Variants in TDRD1 observed in about 807,000 individuals in gnomAD.
TDRD1 encodes tudor domain containing 1.
Under a neutral mutation model 140.6 loss-of-function variants are expected in TDRD1, and 37 were observed. The ratio of observed to expected loss-of-function variants is 0.26; its 90% CI spans 0.20 to 0.35. The LOEUF (loss-of-function observed/expected upper bound fraction) is 0.35. Ranked by LOEUF, TDRD1 falls within the 10% of genes least tolerant of loss-of-function variation. The pLI is 1.00. For missense variants in TDRD1, 1,243 were observed against 1,393.0 expected, an observed-to-expected ratio of 0.89 and a Z score of 1.71; for synonymous variants, 506 against 475.7, an observed-to-expected ratio of 1.06 and a Z score of -0.83.
chr10:114,208,284 G>C (rs2035259738), intron 11 of TDRD1, among the ~76,000 whole-genome samples: 1 of 152,224 alleles, frequency 6.6e-6, no homozygotes, highest in Admixed American at 6.5e-5. Context: ...GGAGCCTTGA[G>C]ATACCTCTGG....
At chr10:114,225,390 CAG>C (rs1053316774) in intron 21 of TDRD1, among the ~76,000 whole-genome samples, 1 of 152,156 alleles carries the variant, frequency 6.6e-6, no homozygotes, top group African/African-American at 2.4e-5. Flanking sequence ...GTTGAGACTT[CAG>C]GGGTTGGGGA....
upstream of TDRD1, among the ~76,000 whole-genome samples, chr10:114,177,676 C>A (rs1020137790): frequency 1.3e-5 from 2 of 152,066 alleles, no homozygotes; most frequent in African/African-American, 2.4e-5. Context: ...CGAAGGAAAT[C>A]AAAAAGATGG....
chr10:114,211,837 AT>A (rs2035507203), intron 13 of TDRD1, 28 bp from the exon 14 acceptor site: 1 of 1,490,362 alleles, frequency 6.7e-7, no homozygotes. Flanking sequence ...TGGAAAAATC[AT>A]TTGAGATTGA....
chr10:114,186,477 G>T (rs943807493), intron 1 of TDRD1, among the ~76,000 whole-genome samples: 5 of 149,678 alleles, frequency 3.3e-5, no homozygotes, highest in Admixed American at 1.3e-4. Context: ...TGTTAGCCAA[G>T]ATGATCTCGA....
chr10:114,197,952 A>G (rs1384377573), intron 3 of TDRD1, among the ~76,000 whole-genome samples: 3 of 152,240 alleles, frequency 2.0e-5, no homozygotes, highest in Middle Eastern at 3.4e-3. Flanking sequence ...CACCACACCC[A>G]GTCTCTGTAT....
intron 1 of TDRD1, among the ~76,000 whole-genome samples, chr10:114,181,460 G>A (rs1416853768): frequency 1.3e-5 from 2 of 152,220 alleles, no homozygotes. Flanking sequence ...ACAGTATTAT[G>A]CCATAGGGCC....
intron 3 of TDRD1, among the ~76,000 whole-genome samples, chr10:114,196,209 G>C (rs1337789296): frequency 6.6e-6 from 1 of 152,158 alleles, no homozygotes; most frequent in Non-Finnish European, 1.5e-5. Context: ...CTCACAAAGT[G>C]CTGGGATTAC....
At position 114,188,213 on chromosome 10, in the gene TDRD1, C is replaced by T; in HGVS notation, c.325+57C>T. On this transcript the variant is annotated intron_variant, in intron 2 of 25. Coordinates refer to ENST00000251864, the Ensembl canonical transcript of TDRD1. ...CATTCTCATGGTTTCTGTGACTTAC[C>T]AGAAGTATATATAACCACACACCAG... 3 of 1,470,266 alleles carry T rather than the reference C, an allele frequency of 2.0e-6. No individual in the cohort carries two copies. In the South Asian group the frequency reaches 4.1e-5, roughly 20 times the overall value. 91.1% of individuals were successfully genotyped at this position (1,470,266 alleles called of 1,614,324 possible).
intron 4 of TDRD1, 99 bp downstream of exon 4, chr10:114,199,416 G>C: frequency 2.1e-6 from 3 of 1,431,572 alleles, no homozygotes; most frequent in East Asian, 4.9e-5. Context: ...AATTAGAACA[G>C]TGTCCCCATG....
intron 16 of TDRD1, 81 bp downstream of exon 16, chr10:114,214,195 G>A: frequency 2.4e-6 from 3 of 1,255,616 alleles, no homozygotes; most frequent in Non-Finnish European, 3.4e-6. Context: ...GTTACTAAGT[G>A]ATAAAAGTAC....
intron 1 of TDRD1, chr10:114,179,841 C>T (rs1554933917): frequency 6.6e-6 from 1 of 152,150 alleles, no homozygotes; most frequent in South Asian, 2.1e-4. Flanking sequence ...TTAAGGAGTT[C>T]CTGCTGTGTG....
intron 2 of TDRD1, among the ~76,000 whole-genome samples, chr10:114,189,118 C>T (rs1184058006): frequency 2.0e-5 from 3 of 152,184 alleles, no homozygotes; most frequent in African/African-American, 7.2e-5. Flanking sequence ...GGCAGGAGCG[C>T]CAACCTGAGT....
chr10:114,177,834 C>CTTTTTTTTTT (rs34189756), upstream of TDRD1, among the ~76,000 whole-genome samples: 3 of 131,098 alleles, frequency 2.3e-5, no homozygotes, highest in Non-Finnish European at 4.9e-5. Context: ...CTTTCTTTTT[C>CTTTTTTTTTT]TTTTTTTTTT....
At chr10:114,232,253 T>C (rs1286630720) in exon 26 of TDRD1, 1 of 151,334 alleles carries the variant, frequency 6.6e-6, no homozygotes, top group Non-Finnish European at 1.5e-5. Flanking sequence ...TTTGTTGTTA[T>C]AGATAGAATT....
At chr10:114,201,904 T>C (rs2034769919) in intron 5 of TDRD1, among the ~76,000 whole-genome samples, 1 of 152,240 alleles carries the variant, frequency 6.6e-6, no homozygotes, top group East Asian at 1.9e-4. Context: ...GTTTCACATA[T>C]GACCTCAAAA....
At chr10:114,206,175 C>G in intron 10 of TDRD1, 69 bp from the exon 11 acceptor site, 4 of 1,207,220 alleles carry the variant, frequency 3.3e-6, no homozygotes, top group Non-Finnish European at 4.8e-6. Context: ...CTTGTTTCTT[C>G]TTTACGCTTT....
chr10:114,187,593 T>C, intron 1 of TDRD1, among the ~76,000 whole-genome samples: 1 of 152,242 alleles, frequency 6.6e-6, no homozygotes, highest in South Asian at 2.1e-4. Context: ...CTGAGATTTT[T>C]GATTTTTCAT....
At chr10:114,230,359 T>C (rs1301892951) in intron 25 of TDRD1, among the ~76,000 whole-genome samples, 1 of 152,258 alleles carries the variant, frequency 6.6e-6, no homozygotes, top group East Asian at 1.9e-4. Flanking sequence ...TAAATAGATA[T>C]TTTATTTACA....
intron 16 of TDRD1, among the ~76,000 whole-genome samples, chr10:114,215,264 C>T (rs1014335909): frequency 6.6e-6 from 1 of 152,122 alleles, no homozygotes; most frequent in Non-Finnish European, 1.5e-5. Flanking sequence ...TTTTTCCTTG[C>T]TGCATAGTGT....
Sources: gnomAD v4.1 joint callset for allele counts (sites outside exome capture counted in the v4.1 genomes callset) on GRCh38, gnomAD v4.1.1 for gene constraint, MANE v1.5 for transcripts, NCBI Gene and HGNC (gene_info 2026-07-23, HGNC 2026-07-21) for gene names.